Variants in PTGER3 observed in about 807,000 individuals in gnomAD.
PTGER3 encodes the protein prostaglandin E2 receptor EP3 subtype.
Under a neutral mutation model 34.7 loss-of-function variants are expected in PTGER3, and 22 were observed. That is an observed-to-expected ratio of 0.63 (90% CI 0.45 to 0.91). The LOEUF (loss-of-function observed/expected upper bound fraction) is 0.91, where lower values mean the gene tolerates loss of function less well. Among genes scored for constraint, PTGER3 ranks in the 40% least tolerant of loss-of-function variants. The pLI is 0.00. For missense variants in PTGER3, 468 were observed against 519.4 expected, an observed-to-expected ratio of 0.90 and a Z score of 0.96; for synonymous variants, 241 against 230.1, an observed-to-expected ratio of 1.05 and a Z score of -0.43.
intron 1 of PTGER3, among the ~76,000 whole-genome samples, chr1:71,024,245 A>AG (rs1658681168): frequency 6.6e-6 from 1 of 152,126 alleles, no homozygotes; most frequent in Non-Finnish European, 1.5e-5. Flanking sequence ...TAAGTCTTAA[A>AG]ACTCTCATCC....
chr1:70,907,032 G>C (rs979192391), intron 4 of PTGER3, among the ~76,000 whole-genome samples: 1 of 152,124 alleles, frequency 6.6e-6, no homozygotes, highest in Non-Finnish European at 1.5e-5. Flanking sequence ...AGTGTTTCCT[G>C]TCTTAGCAAG....
chr1:70,878,936 A>C (rs867120696), intron 4 of PTGER3, among the ~76,000 whole-genome samples: 1 of 152,176 alleles, frequency 6.6e-6, no homozygotes, highest in South Asian at 2.1e-4. Context: ...GATAGGAAAA[A>C]TGTATATTCT....
intron 4 of PTGER3, among the ~76,000 whole-genome samples, chr1:70,937,885 T>TA (rs61197282): frequency 0.26 from 38,564 of 151,160 alleles, 5,795 homozygotes; most frequent in African/African-American, 0.41. Flanking sequence ...TCACTTTTAT[T>TA]AAAAAAAAAT....
intron 4 of PTGER3, among the ~76,000 whole-genome samples, chr1:70,924,337 G>T (rs1017598581): frequency 6.6e-6 from 1 of 152,134 alleles, no homozygotes; most frequent in Non-Finnish European, 1.5e-5. Flanking sequence ...AAAAATGGGA[G>T]ACTGGAAAGA....
chr1:70,898,714 T>C (rs1465057516), intron 4 of PTGER3, among the ~76,000 whole-genome samples: 1 of 152,174 alleles, frequency 6.6e-6, no homozygotes, highest in Non-Finnish European at 1.5e-5. Context: ...AGGGTAATAA[T>C]AGTATTTATA....
intron 2 of PTGER3, 93 bp downstream of exon 2, chr1:71,012,212 C>G (rs768608580): frequency 1.2e-6 from 2 of 1,607,808 alleles, no homozygotes; most frequent in East Asian, 4.5e-5. Flanking sequence ...TAAGTGTTTT[C>G]TTTCATGCTT....
chr1:71,015,802 T>G (rs1197290074), intron 1 of PTGER3, among the ~76,000 whole-genome samples: 1 of 152,234 alleles, frequency 6.6e-6, no homozygotes. Context: ...CAAGACTGTG[T>G]GACACTGGTA....
At chr1:71,031,603 T>C (rs977942855) in intron 1 of PTGER3, among the ~76,000 whole-genome samples, 5 of 152,190 alleles carry the variant, frequency 3.3e-5, no homozygotes, top group South Asian at 4.1e-4. Context: ...TTTTTAGACA[T>C]TGGATTCATC....
At chr1:70,890,226 C>T (rs775635214) in intron 4 of PTGER3, among the ~76,000 whole-genome samples, 30 of 152,172 alleles carry the variant, frequency 2.0e-4, no homozygotes, top group Non-Finnish European at 3.4e-4. Context: ...TTTAACAACA[C>T]TTATTTTGTT....
At chr1:70,988,824 G>A (rs1331088375) in intron 2 of PTGER3, among the ~76,000 whole-genome samples, 2 of 152,102 alleles carry the variant, frequency 1.3e-5, no homozygotes, top group African/African-American at 2.4e-5. Context: ...TAAATTCTGA[G>A]CAGTTATCAA....
intron 4 of PTGER3, among the ~76,000 whole-genome samples, chr1:70,920,466 G>T (rs1647416318): frequency 1.3e-5 from 2 of 152,224 alleles, no homozygotes; most frequent in South Asian, 4.1e-4. Flanking sequence ...CTTTTTTAGG[G>T]TTCTGCTTAC....
chr1:70,891,487 C>T (rs576722546), intron 4 of PTGER3, among the ~76,000 whole-genome samples: 7 of 152,074 alleles, frequency 4.6e-5, no homozygotes, highest in African/African-American at 1.7e-4. Context: ...TCTATTCTTC[C>T]CCTCTTTCAC....
At chr1:71,042,014 C>A (rs1190060500) in intron 1 of PTGER3, among the ~76,000 whole-genome samples, 1 of 152,090 alleles carries the variant, frequency 6.6e-6, no homozygotes, top group African/African-American at 2.4e-5. Flanking sequence ...CCTATGGAAA[C>A]TTTTATAATT....
intron 4 of PTGER3, among the ~76,000 whole-genome samples, chr1:70,931,205 C>T (rs1648655630): frequency 6.6e-6 from 1 of 152,224 alleles, no homozygotes; most frequent in African/African-American, 2.4e-5. Flanking sequence ...ATCCAGGTCA[C>T]CCTGATGCAA....
chr1:71,013,945 C>T (rs1416327579), intron 1 of PTGER3, among the ~76,000 whole-genome samples: 1 of 152,132 alleles, frequency 6.6e-6, no homozygotes, highest in Non-Finnish European at 1.5e-5. Context: ...TAGACCTATA[C>T]AGCTATTGAG....
At chr1:71,006,303 G>A in intron 2 of PTGER3, 1 of 985,398 alleles carries the variant, frequency 1.0e-6, no homozygotes. Context: ...CTTTTAATGA[G>A]CTTGACTTTG....
intron 2 of PTGER3, among the ~76,000 whole-genome samples, chr1:70,975,378 T>A (rs530915962): frequency 6.6e-6 from 1 of 152,306 alleles, no homozygotes; most frequent in East Asian, 1.9e-4. Context: ...TTTTTATAAA[T>A]TTCTCAGTAA....
chr1:70,921,022 T>C (rs1647467781), intron 4 of PTGER3, among the ~76,000 whole-genome samples: 2 of 152,218 alleles, frequency 1.3e-5, no homozygotes, highest in African/African-American at 4.8e-5. Context: ...AAATCCTTCA[T>C]GTCCTTTATA....
chr1:70,942,109 G>A (rs1432091354), intron 4 of PTGER3, among the ~76,000 whole-genome samples: 2 of 152,092 alleles, frequency 1.3e-5, no homozygotes, highest in African/African-American at 4.8e-5. Context: ...GAGGTCATGT[G>A]AATAGTTCTC....
Sources: allele counts gnomAD v4.1 joint callset (sites outside exome capture counted in the v4.1 genomes callset), GRCh38; gene constraint gnomAD v4.1.1; transcripts MANE v1.5; gene names NCBI Gene and HGNC (gene_info 2026-07-23, HGNC 2026-07-21).